The following FOXP2 variants were observed in gnomAD, a reference collection of about 807,000 sequenced individuals.
The protein encoded by FOXP2 is forkhead box P2, also known as forkhead box protein P2.
A neutral mutation model predicts 115.8 loss-of-function variants in FOXP2; 12 were observed. That is an observed-to-expected ratio of 0.10 (90% CI 0.07 to 0.17). The LOEUF (loss-of-function observed/expected upper bound fraction) is 0.17. FOXP2 is among the 10% of genes least tolerant of loss of function. The pLI is 1.00. For synonymous variants in FOXP2, 328 were observed against 297.7 expected (o/e 1.10, Z -1.05); for missense variants, 629 against 843.5 (o/e 0.75, Z 3.15).
chr7:114,432,803 G>A (rs1313561836), intron 2 of FOXP2, among the ~76,000 whole-genome samples: 1 of 151,906 alleles, frequency 6.6e-6, no homozygotes, highest in Non-Finnish European at 1.5e-5. Flanking sequence ...TCTACCACAT[G>A]ATGACACTAA....
chr7:114,587,879 A>ATATATATATATATATATATATATATAT lies in FOXP2; in HGVS notation c.259-40661_259-40660insTATATATATATATATATATATATATAT. ...CTAATTGGGTGAATAAGAGATAATT[A>ATATATATATATATATATATATATATAT]AATCCACCTTTCTTAGTGCCTTATT... On this transcript the variant is annotated intron_variant, in intron 3 of 16. Transcript: ENST00000350908. Among the ~76,000 whole-genome samples, 98 of 76,532 alleles carry ATATATATATATATATATATATATATAT rather than the reference A, an allele frequency of 1.3e-3. 12 individuals carry two copies. Among genetic ancestry groups the ATATATATATATATATATATATATATAT allele is most frequent in the Non-Finnish European group, 1.9e-3 (63 of 33,666 alleles). 50.2% of individuals were successfully genotyped at this position (76,532 alleles called of 152,430 possible).
intron 2 of FOXP2, among the ~76,000 whole-genome samples, chr7:114,399,177 G>T (rs913401644): frequency 1.4e-5 from 2 of 147,076 alleles, no homozygotes; most frequent in East Asian, 4.0e-4. Flanking sequence ...GTGCCATCTT[G>T]ACTCACTGCA....
intron 1 of FOXP2, among the ~76,000 whole-genome samples, chr7:114,227,910 T>C (rs932961760): frequency 1.3e-5 from 2 of 152,034 alleles, no homozygotes; most frequent in African/African-American, 4.8e-5. Context: ...GTAATTTACA[T>C]GATCCTCACG....
intron 1 of FOXP2, among the ~76,000 whole-genome samples, chr7:114,229,670 G>T (rs1232972348): frequency 6.6e-6 from 1 of 151,112 alleles, no homozygotes; most frequent in Non-Finnish European, 1.5e-5. Context: ...AAAATGGAAA[G>T]AAATGAGAAA....
intron 1 of FOXP2, among the ~76,000 whole-genome samples, chr7:114,131,375 C>A (rs945135990): frequency 1.3e-5 from 2 of 152,074 alleles, no homozygotes; most frequent in South Asian, 4.1e-4. Flanking sequence ...AATGGAAATT[C>A]TTTGTAACTT....
intron 1 of FOXP2, among the ~76,000 whole-genome samples, chr7:114,127,407 C>T (rs570696611): frequency 6.6e-6 from 1 of 152,264 alleles, no homozygotes; most frequent in East Asian, 1.9e-4. Context: ...TCACTGGAGG[C>T]TACCTTATGG....
At chr7:114,581,727 A>G (rs1379897540) in intron 3 of FOXP2, among the ~76,000 whole-genome samples, 1 of 152,196 alleles carries the variant, frequency 6.6e-6, no homozygotes, top group Non-Finnish European at 1.5e-5. Flanking sequence ...TATCATACAC[A>G]GTTTTCACTG....
chr7:114,251,986 C>A (rs1033241785), intron 1 of FOXP2, among the ~76,000 whole-genome samples: 18 of 152,144 alleles, frequency 1.2e-4, no homozygotes, highest in Non-Finnish European at 1.9e-4. Context: ...ATTTATTGAG[C>A]GTTTTTAGCA....
chr7:114,492,085 C>G (rs1193734722), intron 2 of FOXP2, among the ~76,000 whole-genome samples: 2 of 152,160 alleles, frequency 1.3e-5, no homozygotes, highest in African/African-American at 2.4e-5. Flanking sequence ...GCCTCAATTT[C>G]AGAGTCTGTT....
chr7:114,519,995 A>G (rs1798536207), intron 2 of FOXP2, among the ~76,000 whole-genome samples: 1 of 152,174 alleles, frequency 6.6e-6, no homozygotes, highest in South Asian at 2.1e-4. Flanking sequence ...ATGTATGATA[A>G]AACAGCTTAC....
chr7:114,546,038 A>G (rs1405727036), intron 3 of FOXP2, among the ~76,000 whole-genome samples: 5 of 152,144 alleles, frequency 3.3e-5, no homozygotes, highest in African/African-American at 1.2e-4. Flanking sequence ...CATTTCCACT[A>G]TCTGGCCCAT....
intron 1 of FOXP2, among the ~76,000 whole-genome samples, chr7:114,090,673 A>G (rs1215581165): frequency 4.0e-5 from 6 of 151,832 alleles, no homozygotes; most frequent in Admixed American, 3.9e-4. Flanking sequence ...CAAATTTTAA[A>G]TGTTGTAGTT....
chr7:114,441,596 T>A (rs1794610237), intron 2 of FOXP2, among the ~76,000 whole-genome samples: 1 of 152,218 alleles, frequency 6.6e-6, no homozygotes, highest in Admixed American at 6.5e-5. Flanking sequence ...TATATTCTAT[T>A]CAAATAAGCA....
chr7:114,637,898 A>G (rs1438930184), intron 6 of FOXP2, among the ~76,000 whole-genome samples: 1 of 152,178 alleles, frequency 6.6e-6, no homozygotes, highest in African/African-American at 2.4e-5. Flanking sequence ...TAATAAGAGC[A>G]ATAATAATGA....
At chr7:114,437,571 G>A (rs1794411529) in intron 2 of FOXP2, among the ~76,000 whole-genome samples, 1 of 152,154 alleles carries the variant, frequency 6.6e-6, no homozygotes, top group South Asian at 2.1e-4. Flanking sequence ...TGAGGAGTAA[G>A]TGAACATTAA....
chr7:114,249,264 A>T (rs1218166347), intron 1 of FOXP2, among the ~76,000 whole-genome samples: 1 of 152,148 alleles, frequency 6.6e-6, no homozygotes, highest in Non-Finnish European at 1.5e-5. Context: ...GGTTTGTTAC[A>T]TAGGTAAACG....
intron 1 of FOXP2, among the ~76,000 whole-genome samples, chr7:114,220,518 T>A (rs1000755265): frequency 1.3e-5 from 2 of 152,210 alleles, no homozygotes; most frequent in Admixed American, 6.5e-5. Context: ...TGACTTCAAA[T>A]AAACATCATT....
chr7:114,400,724 G>T (rs1792867299), intron 2 of FOXP2, among the ~76,000 whole-genome samples: 1 of 152,046 alleles, frequency 6.6e-6, no homozygotes, highest in South Asian at 2.1e-4. Flanking sequence ...TCACAATAGG[G>T]TTCACGTTCC....
At chr7:114,583,364 T>G (rs1490114599) in intron 3 of FOXP2, among the ~76,000 whole-genome samples, 4 of 151,652 alleles carry the variant, frequency 2.6e-5, no homozygotes, top group Non-Finnish European at 5.9e-5. Context: ...GGCAACAGAG[T>G]AAGCCTGTCT....
Sources: gnomAD v4.1 joint callset for allele counts (sites outside exome capture counted in the v4.1 genomes callset) on GRCh38, gnomAD v4.1.1 for gene constraint, MANE v1.5 for transcripts, NCBI Gene and HGNC (gene_info 2026-07-23, HGNC 2026-07-21) for gene names.